Variants in GLYR1 observed in about 807,000 individuals in gnomAD.
GLYR1 encodes cytokine-like nuclear factor N-PAC.
GLYR1 carries 21 observed loss-of-function variants against 72.7 expected under a neutral mutation model. That is an observed-to-expected ratio of 0.29 (90% CI 0.20 to 0.42). The LOEUF (loss-of-function observed/expected upper bound fraction) is 0.42. GLYR1 is among the 10% of genes least tolerant of loss of function. The pLI, the probability that GLYR1 is intolerant of heterozygous loss-of-function variation, is 1.00. For synonymous variants in GLYR1, 392 were observed against 270.2 expected (o/e 1.45, Z -4.42); for missense variants, 594 against 712.1 (o/e 0.83, Z 1.89).
intron 15 of GLYR1, among the ~76,000 whole-genome samples, chr16:4,808,497 C>T (rs1015904359): frequency 1.3e-5 from 2 of 152,014 alleles, no homozygotes; most frequent in Non-Finnish European, 2.9e-5. Context: ...ACTGTGGAGG[C>T]TGAGGCAGGA....
chr16:4,842,603 C>A (rs568619339), intron 3 of GLYR1, among the ~76,000 whole-genome samples: 1 of 152,300 alleles, frequency 6.6e-6, no homozygotes, highest in African/African-American at 2.4e-5. Context: ...TCAAGCAATC[C>A]TCCTGTCTTG....
At chr16:4,846,955 G>C (rs559918524) in intron 1 of GLYR1, 5 of 486,724 alleles carry the variant, frequency 1.0e-5, no homozygotes, top group African/African-American at 2.1e-5. Flanking sequence ...CTCCCTTCAC[G>C]GGGGCCGCCA....
intron 3 of GLYR1, 51 bp downstream of exon 3, chr16:4,845,023 A>G: frequency 8.3e-7 from 1 of 1,198,460 alleles, no homozygotes; most frequent in East Asian, 2.3e-5. Flanking sequence ...CTCAGACTCC[A>G]GGTAACACAG....
intron 5 of GLYR1, among the ~76,000 whole-genome samples, chr16:4,830,966 T>C (rs2084759838): frequency 1.3e-5 from 2 of 152,138 alleles, no homozygotes; most frequent in African/African-American, 4.8e-5. Flanking sequence ...ACATTTCTAG[T>C]CCTGAGGTCA....
chr16:4,829,309 TTC>T (rs1795496187), intron 5 of GLYR1, among the ~76,000 whole-genome samples: 4 of 152,010 alleles, frequency 2.6e-5, no homozygotes, highest in Admixed American at 6.5e-5. Flanking sequence ...TATTTCCAGC[TTC>T]TCTCTTTTTT....
At chr16:4,841,998 T>C (rs530412947) in intron 3 of GLYR1, among the ~76,000 whole-genome samples, 2 of 152,186 alleles carry the variant, frequency 1.3e-5, no homozygotes, top group South Asian at 2.1e-4. Flanking sequence ...TCCCAGCACT[T>C]TGGGAGGCCG....
chr16:4,824,501 A>C (rs1327329053), intron 5 of GLYR1, among the ~76,000 whole-genome samples: 1 of 150,480 alleles, frequency 6.6e-6, no homozygotes, highest in Non-Finnish European at 1.5e-5. Context: ...TCCATCTCAA[A>C]AAAAAAAAAA....
chr16:4,811,478 C>A, intron 14 of GLYR1, 145 bp downstream of exon 14: 4 of 1,254,440 alleles, frequency 3.2e-6, no homozygotes, highest in Admixed American at 2.3e-5. Context: ...ATCCCCAAAT[C>A]CCGCCCACTG....
chr16:4,846,952 C>T (rs2086171432), intron 1 of GLYR1: 1 of 493,930 alleles, frequency 2.0e-6, no homozygotes, highest in Non-Finnish European at 3.6e-6. Flanking sequence ...CGGCTCCCTT[C>T]ACGGGGGCCG....
Position 4,812,233 on chromosome 16 carries a change from C to G in GLYR1, c.1135G>C (p.Gly379Arg), listed in dbSNP as rs939726996. The G allele has an allele frequency of 8.1e-6, 13 of 1,613,076 alleles. No individual in the cohort carries two copies. The highest frequency in any genetic ancestry group is 1.1e-5 in the Non-Finnish European group (13 of 1,179,796). ...ACGGGGGCTTCCAGAAAGCGCCCCC[C>G]CCTGGACACAATCACCTGGAAAGAA... ...TELAQVIVSR[G>R]GRFLEAPVSG... The change falls in exon 13 of 16, where the codon GGG becomes CGG. Residue 379 changes from glycine to arginine, a missense_variant. By Grantham distance (125) the Gly-to-Arg change is moderately radical. Transcript: ENST00000321919.
chr16:4,823,430 C>T (rs561188199), intron 6 of GLYR1, among the ~76,000 whole-genome samples: 2 of 152,106 alleles, frequency 1.3e-5, no homozygotes, highest in Non-Finnish European at 2.9e-5. Flanking sequence ...CAGGTGTAGC[C>T]GCACCAAGGA....
chr16:4,835,549 G>A (rs572003015), intron 3 of GLYR1, among the ~76,000 whole-genome samples: 3 of 152,302 alleles, frequency 2.0e-5, no homozygotes, highest in Non-Finnish European at 2.9e-5. Context: ...AAACCAGCTT[G>A]GCTGGGCACG....
At chr16:4,838,688 G>A (rs113266356) in intron 3 of GLYR1, among the ~76,000 whole-genome samples, 5,373 of 151,866 alleles carry the variant, frequency 0.035, 317 homozygotes, top group African/African-American at 0.12. Flanking sequence ...TGGGGTTCAC[G>A]CCATTCTCCT....
At chr16:4,833,102 C>G in intron 3 of GLYR1, 190 bp from the exon 4 acceptor site, 1 of 457,914 alleles carries the variant, frequency 2.2e-6, no homozygotes, top group Non-Finnish European at 3.8e-6. Flanking sequence ...TTTCTTGAAA[C>G]AAGTCAAGCA....
chr16:4,846,274 T>A, intron 1 of GLYR1, 64 bp from the exon 2 acceptor site: 1 of 1,525,610 alleles, frequency 6.6e-7, no homozygotes, highest in Admixed American at 1.7e-5. Context: ...TTCAACCCAC[T>A]CAATACGCAA....
intron 3 of GLYR1, among the ~76,000 whole-genome samples, chr16:4,836,493 CTT>C (rs1329216177): frequency 3.3e-5 from 5 of 152,142 alleles, no homozygotes; most frequent in Non-Finnish European, 7.3e-5. Flanking sequence ...AAGTAGGAGA[CTT>C]TGCTTTTTAT....
rs994369051 is a variant in GLYR1 at position 4,812,337 on chromosome 16, C to T, written c.1120-89G>A. 8 of 1,394,324 alleles carry T rather than the reference C, an allele frequency of 5.7e-6. No individual in the cohort carries two copies. In the African/African-American group the frequency reaches 8.7e-5, roughly 15 times the overall value. The allele number at this position is 1,394,324 out of a possible 1,614,324, so 86.4% of individuals were successfully genotyped here. Reference sequence around the variant, plus strand: ...AAGGAGTGTTGCTGAGTGGCCACGGCTGCTCATCACCTTCCAGAGCTGGAG... The same window carrying T: ...AAGGAGTGTTGCTGAGTGGCCACGGTTGCTCATCACCTTCCAGAGCTGGAG... On this transcript the variant is annotated intron_variant, in intron 12 of 15. Transcript: ENST00000321919.
Position 4,846,818 on chromosome 16 carries a change from A to G in GLYR1, c.38+410T>C, listed in dbSNP as rs2086144404. 3.3e-5 allele frequency: 9 copies of G among 276,764 alleles called. No homozygotes were observed. In the South Asian group the frequency reaches 3.5e-4, roughly 11 times the overall value. The allele number at this position is 276,764 out of a possible 1,614,324, so 17.1% of individuals were successfully genotyped here. On this transcript the variant is annotated intron_variant, in intron 1 of 15. Coordinates refer to ENST00000321919, the MANE Select transcript of GLYR1 (RefSeq NM_032569.4). ...GGCCGCACAGGTCGGCTGCATCGCA[A>G]CCTGGGCTTTGACCGAATGGCACCG...
At chr16:4,847,081 C>A (rs953295156) in intron 1 of GLYR1, 147 bp downstream of exon 1, 3 of 746,944 alleles carry the variant, frequency 4.0e-6, no homozygotes, top group Admixed American at 2.4e-5. Context: ...TTCCGCCTGG[C>A]GCCGCTCGCA....
Sources: gnomAD v4.1 joint callset for allele counts (sites outside exome capture counted in the v4.1 genomes callset) on GRCh38, gnomAD v4.1.1 for gene constraint, MANE v1.5 for transcripts, NCBI Gene and HGNC (gene_info 2026-07-23, HGNC 2026-07-21) for gene names.